Variants in MGA observed in about 807,000 individuals in gnomAD.
The protein encoded by MGA is MAX gene-associated protein.
A neutral mutation model predicts 261.1 loss-of-function variants in MGA; 40 were observed. The observed-to-expected ratio is 0.15, with a 90% CI of 0.12 to 0.20. The LOEUF is 0.20. MGA is among the 10% of genes least tolerant of loss of function. The pLI is 1.00. For missense variants in MGA, 3,397 were observed against 3,630.5 expected (o/e 0.94, Z 1.65); for synonymous variants, 1,302 against 1,290.6 (o/e 1.01, Z -0.19).
At chr15:41,627,337 A>G (rs1022140117) in intron 1 of MGA, among the ~76,000 whole-genome samples, 1 of 152,148 alleles carries the variant, frequency 6.6e-6, no homozygotes, top group Admixed American at 6.5e-5. Flanking sequence ...TTTTGTAGTC[A>G]TGTCTCCTTA....
chr15:41,733,858 T>C (rs1156927926), intron 11 of MGA, among the ~76,000 whole-genome samples: 1 of 152,086 alleles, frequency 6.6e-6, no homozygotes, highest in Non-Finnish European at 1.5e-5. Flanking sequence ...AAATTCTAGT[T>C]TTATTAATTT....
chr15:41,746,734 G>A (rs2062510731), intron 15 of MGA, among the ~76,000 whole-genome samples: 1 of 151,640 alleles, frequency 6.6e-6, no homozygotes, highest in Admixed American at 6.6e-5. Context: ...TTTTGTGTGG[G>A]CAGAGTGCCT....
intron 2 of MGA, among the ~76,000 whole-genome samples, chr15:41,694,270 G>C (rs1345840210): frequency 6.6e-6 from 1 of 151,938 alleles, no homozygotes. Context: ...ACAAAAATTA[G>C]CCGGGCGTGT....
chr15:41,727,295 T>C lies in MGA; in HGVS notation c.3546T>C (p.Pro1182=). ...TCCCCACGCCTTCTGTCATTGAGCC[T>C]ATGAAACCATTGTTATTGCCTCAGC... Residue 1182 remains proline, a synonymous_variant, in exon 10 of 24, where the codon CCT becomes CCC. Coordinates refer to ENST00000219905, the MANE Select transcript of MGA (RefSeq NM_001164273.2). 6.2e-7 allele frequency: 1 copy of C among 1,614,008 alleles called. No individual in the cohort carries two copies. Among genetic ancestry groups the C allele is most frequent in the African/African-American group, 1.3e-5 (1 of 75,064 alleles).
chr15:41,734,976 T>C (rs905100609), intron 12 of MGA, among the ~76,000 whole-genome samples: 2 of 152,032 alleles, frequency 1.3e-5, no homozygotes, highest in Admixed American at 6.6e-5. Context: ...AATATTACTG[T>C]GATTTAGCTG....
chr15:41,739,081 C>G (rs12906666), intron 13 of MGA, among the ~76,000 whole-genome samples: 39,876 of 151,590 alleles, frequency 0.26, 5,637 homozygotes, highest in Middle Eastern at 0.42. Context: ...GGCAATATGA[C>G]CTAGAGAACA....
intron 2 of MGA, among the ~76,000 whole-genome samples, chr15:41,685,007 T>G (rs1246054620): frequency 6.6e-6 from 1 of 152,222 alleles, no homozygotes; most frequent in Non-Finnish European, 1.5e-5. Flanking sequence ...ATTATGTAAC[T>G]TATACAGTAA....
chr15:41,640,565 G>A (rs1407280245), intron 1 of MGA, among the ~76,000 whole-genome samples: 1 of 152,020 alleles, frequency 6.6e-6, no homozygotes, highest in Non-Finnish European at 1.5e-5. Flanking sequence ...TGTCGCCCAG[G>A]CTGGAATACA....
At chr15:41,741,588 C>T (rs2062106772) in intron 14 of MGA, among the ~76,000 whole-genome samples, 1 of 152,038 alleles carries the variant, frequency 6.6e-6, no homozygotes, top group African/African-American at 2.4e-5. Context: ...GGAAACAAAC[C>T]CTCTCATTTT....
At chr15:41,736,843 A>G in intron 13 of MGA, 145 bp downstream of exon 13, 1 of 965,466 alleles carries the variant, frequency 1.0e-6, no homozygotes, top group Non-Finnish European at 1.5e-6. Context: ...TCTTTTTGTA[A>G]TAGGCCTAGT....
chr15:41,765,161 G>T, intron 23 of MGA, 99 bp downstream of exon 23: 2 of 1,354,746 alleles, frequency 1.5e-6, no homozygotes, highest in South Asian at 1.3e-5. Flanking sequence ...TAATGATAAA[G>T]AGCTATTCTG....
intron 9 of MGA, among the ~76,000 whole-genome samples, chr15:41,722,278 C>T (rs997087194): frequency 4.3e-4 from 65 of 151,924 alleles, no homozygotes; most frequent in African/African-American, 1.4e-3. Context: ...TACAGGCGCC[C>T]GCCACCACAC....
In MGA at chr15:41,696,433, G is replaced by A. The variant is rs769156997; in HGVS notation, c.1423G>A (p.Ala475Thr). The A allele has an allele frequency of 6.2e-7, 1 of 1,613,980 alleles. No homozygotes were observed. The highest frequency in any genetic ancestry group is 8.5e-7 in the Non-Finnish European group (1 of 1,179,886). Reference sequence around the variant, plus strand: ...GCCAGTAGTCTATCTGGAGCCCTGTGCTGTCACCAGAAGCACAGTTAAGAT... The same window carrying A: ...GCCAGTAGTCTATCTGGAGCCCTGTACTGTCACCAGAAGCACAGTTAAGAT... The change falls in exon 3 of 24, where the codon GCT (alanine) becomes ACT (threonine). Residue 475 changes from alanine (A) to threonine (T), a missense_variant. Physicochemically the swap from Ala to Thr is moderately conservative, Grantham distance 58. Coordinates refer to ENST00000219905, the MANE Select transcript of MGA (RefSeq NM_001164273.2).
chr15:41,695,944 GTT>G, intron 2 of MGA, 129 bp from the exon 3 acceptor site: 1 of 684,696 alleles, frequency 1.5e-6, no homozygotes, highest in Non-Finnish European at 2.4e-6. Context: ...GTTTTTGAGT[GTT>G]TTTGAGGAAT....
Position 41,696,799 on chromosome 15 carries a change from G to T in MGA, c.1789G>T (p.Ala597Ser), listed in dbSNP as rs765859734. ...AACTATGCTTAAGATTGCAACAGCC[G>T]CAAAGGTAGTGAATGCTAATCAGAA... The change falls in exon 3 of 24, where the codon GCA becomes TCA. Residue 597 changes from alanine (A) to serine (S), a missense_variant. Physicochemically the swap from Ala to Ser is moderately conservative, Grantham distance 99 (BLOSUM62 1). Around this residue, in one of 9 missense-constraint regions of MGA, gnomAD observed 563 missense variants for 563.6 expected, o/e 1.00. Coordinates refer to ENST00000219905, the MANE Select transcript of MGA (RefSeq NM_001164273.2). 3 of 1,603,302 alleles carry T rather than the reference G, an allele frequency of 1.9e-6. No homozygotes were observed. The highest frequency in any genetic ancestry group is 2.6e-6 in the Non-Finnish European group (3 of 1,174,748).
Position 41,699,235 on chromosome 15 carries a change from C to T in MGA, c.2188+76C>T, listed in dbSNP as rs138469624. On this transcript the variant is annotated intron_variant, in intron 5 of 23. Coordinates refer to ENST00000219905, the MANE Select transcript of MGA (RefSeq NM_001164273.2). Reference sequence around the variant, plus strand: ...CTACTGTTTCTCCTCTTTTTCCTCTCTCTTTCTCATCTCTTTTTTTCTGTT... The same window carrying T: ...CTACTGTTTCTCCTCTTTTTCCTCTTTCTTTCTCATCTCTTTTTTTCTGTT... 5.3e-6 allele frequency: 5 copies of T among 938,204 alleles called. No homozygotes were observed. In the African/African-American group the frequency reaches 8.6e-5, roughly 16 times the overall value. 58.1% of individuals were successfully genotyped at this position (938,204 alleles called of 1,614,324 possible). A position where few individuals can be genotyped will look rare whatever the true frequency, so the allele number is the denominator to read the frequency against.
At chr15:41,654,163 G>A (rs910442458) in intron 1 of MGA, among the ~76,000 whole-genome samples, 2 of 152,114 alleles carry the variant, frequency 1.3e-5, no homozygotes, top group Non-Finnish European at 2.9e-5. Flanking sequence ...CCTGTTGTGT[G>A]TATTTTTTTC....
chr15:41,669,098 T>G lies in MGA; in HGVS notation c.204T>G (p.Ala68=), dbSNP rs1207531672. The G allele has an allele frequency of 3.7e-6, 6 of 1,610,216 alleles. No homozygotes were observed. Among genetic ancestry groups the G allele is most frequent in the Non-Finnish European group, 5.1e-6 (6 of 1,176,578 alleles). Reference sequence around the variant, plus strand: ...CTAAAGGGAAGATTTGCCTTCCAGCTGATTGTACTGTGGGTGGAATCACTG... The same window carrying G: ...CTAAAGGGAAGATTTGCCTTCCAGCGGATTGTACTGTGGGTGGAATCACTG... Residue 68 remains alanine, a synonymous_variant, in exon 2 of 24, where the codon GCT becomes GCG. Transcript: ENST00000219905.
intron 19 of MGA, among the ~76,000 whole-genome samples, chr15:41,759,105 AAGAT>A (rs2063308330): frequency 6.6e-6 from 1 of 152,178 alleles, no homozygotes; most frequent in Non-Finnish European, 1.5e-5. Context: ...GTAGAAAGGC[AAGAT>A]AGATTGTTTA....
Sources: gnomAD v4.1 joint callset for allele counts (sites outside exome capture counted in the v4.1 genomes callset) on GRCh38, gnomAD v4.1.1 for gene constraint, gnomAD v4.1.1 regional missense constraint, MANE v1.5 for transcripts, NCBI Gene and HGNC (gene_info 2026-07-23, HGNC 2026-07-21) for gene names.